The following MAP4K4 variants were observed in gnomAD, a reference collection of about 807,000 sequenced individuals.
The protein encoded by MAP4K4 is HPK/GCK-like kinase HGK.
A neutral mutation model predicts 189.6 loss-of-function variants in MAP4K4; 38 were observed. The observed-to-expected ratio is 0.20, with a 90% CI of 0.15 to 0.26. MAP4K4 has a LOEUF of 0.26. Ranked by LOEUF, MAP4K4 falls within the 10% of genes least tolerant of loss-of-function variation. MAP4K4 has a pLI of 1.00. For missense variants in MAP4K4, 1,054 were observed against 1,726.9 expected (o/e 0.61, Z 6.91); for synonymous variants, 610 against 624.3 (o/e 0.98, Z 0.34).
At chr2:101,750,611 G>A (rs1413070476) in intron 2 of MAP4K4, among the ~76,000 whole-genome samples, 1 of 151,486 alleles carries the variant, frequency 6.6e-6, no homozygotes, top group East Asian at 1.9e-4. Context: ...GTATACATAT[G>A]TAACTAACCT....
At chr2:101,776,870 T>C (rs190318848) in intron 2 of MAP4K4, among the ~76,000 whole-genome samples, 7 of 152,292 alleles carry the variant, frequency 4.6e-5, no homozygotes. Context: ...AATAACCACA[T>C]ACCAAATAAT....
At chr2:101,868,203 T>C (rs976317703) in intron 21 of MAP4K4, among the ~76,000 whole-genome samples, 166 bp downstream of exon 21, 1 of 152,226 alleles carries the variant, frequency 6.6e-6, no homozygotes, top group Admixed American at 6.5e-5. Flanking sequence ...ACATAACATT[T>C]GCTGTATTTA....
exon 33 of MAP4K4, chr2:101,893,490 T>C (rs949414235): frequency 6.0e-6 from 2 of 334,320 alleles, no homozygotes; most frequent in African/African-American, 4.3e-5. Context: ...TATCCATGTT[T>C]AGGCTTTTCA....
At chr2:101,763,734 A>G (rs963684187) in intron 2 of MAP4K4, among the ~76,000 whole-genome samples, 1 of 152,200 alleles carries the variant, frequency 6.6e-6, no homozygotes, top group Admixed American at 6.5e-5. Context: ...GTGTCTTACC[A>G]CAATCTCTAT....
intron 5 of MAP4K4, 34 bp downstream of exon 5, chr2:101,825,463 C>CA: frequency 7.3e-7 from 1 of 1,378,024 alleles, no homozygotes. Context: ...TGCTCCAACT[C>CA]ATGATCCTGT....
Position 101,860,894 on chromosome 2 carries a change from T to A in MAP4K4, c.1774T>A (p.Leu592Met), listed in dbSNP as rs572481216. The A allele has an allele frequency of 3.9e-5, 62 of 1,608,890 alleles. No individual in the cohort carries two copies. The highest frequency in any genetic ancestry group is 5.3e-5 in the Non-Finnish European group (62 of 1,177,546). ...CCAGTCTAAGCAGACAGGCAGAGTA[T>A]TGGAGCCACCAGTGCCTTCCCGATC... The change falls in exon 16 of 33, where the codon TTG becomes ATG. Residue 592 changes from leucine (L) to methionine (M), a missense_variant. Around this residue, in one of 4 missense-constraint regions of MAP4K4, gnomAD observed 646 missense variants for 796.2 expected, o/e 0.81. Coordinates refer to ENST00000324219, the Ensembl canonical transcript of MAP4K4.
chr2:101,746,043 T>A (rs1438922644), intron 2 of MAP4K4, among the ~76,000 whole-genome samples: 1 of 151,800 alleles, frequency 6.6e-6, no homozygotes, highest in African/African-American at 2.4e-5. Flanking sequence ...CAAGCTGGAA[T>A]ACAGTGATGT....
chr2:101,756,104 C>G (rs2072614968), intron 2 of MAP4K4, among the ~76,000 whole-genome samples: 1 of 151,930 alleles, frequency 6.6e-6, no homozygotes, highest in Admixed American at 6.6e-5. Context: ...CCACGTCTGG[C>G]TAATTTAGTT....
intron 2 of MAP4K4, among the ~76,000 whole-genome samples, chr2:101,789,180 T>C (rs2092388269): frequency 6.6e-6 from 1 of 152,192 alleles, no homozygotes; most frequent in Non-Finnish European, 1.5e-5. Flanking sequence ...TGAAGGTTGG[T>C]TAGTTGCCAA....
intron 3 of MAP4K4, among the ~76,000 whole-genome samples, chr2:101,808,498 GGAT>G (rs1382379164): frequency 6.6e-6 from 1 of 151,976 alleles, no homozygotes; most frequent in African/African-American, 2.4e-5. Context: ...CTGCTTATCA[GGAT>G]GATAAGAAAA....
rs150937517 is a variant in MAP4K4, at chr2:101,859,630, C to G, written c.1483-13C>G. ...TGTCCCATAGATTTAGTGTTATCCT[C>G]TCCCTCTCCAAGGAGTGCCGATGGC... On this transcript the variant is annotated splice_polypyrimidine_tract_variant and intron_variant, in intron 14 of 32. Transcript: ENST00000324219. The G allele has an allele frequency of 2.5e-4, 399 of 1,582,164 alleles. 4 individuals carry two copies. In the East Asian group the frequency reaches 8.5e-3, roughly 34 times the overall value.
At chr2:101,814,592 C>CT (rs1444024314) in intron 3 of MAP4K4, among the ~76,000 whole-genome samples, 3 of 152,180 alleles carry the variant, frequency 2.0e-5, no homozygotes, top group African/African-American at 7.2e-5. Context: ...CACATGGAAA[C>CT]TAAGGCTTTT....
intron 3 of MAP4K4, among the ~76,000 whole-genome samples, chr2:101,812,638 C>T (rs1003029871): frequency 1.3e-5 from 2 of 151,882 alleles, no homozygotes; most frequent in Non-Finnish European, 2.9e-5. Context: ...TTGCTAATGA[C>T]TTAGAGTATC....
At chr2:101,870,869 G>A (rs923682699) in intron 23 of MAP4K4, among the ~76,000 whole-genome samples, 1 of 152,194 alleles carries the variant, frequency 6.6e-6, no homozygotes, top group East Asian at 1.9e-4. Flanking sequence ...CCAGAGACTC[G>A]GAGAGCAGAA....
At chr2:101,828,239 A>G (rs1421164990) in intron 5 of MAP4K4, among the ~76,000 whole-genome samples, 1 of 152,230 alleles carries the variant, frequency 6.6e-6, no homozygotes, top group Non-Finnish European at 1.5e-5. Flanking sequence ...TAGTCCTGTA[A>G]AAGTTTAAGA....
At chr2:101,794,310 A>T (rs764108134) in intron 3 of MAP4K4, among the ~76,000 whole-genome samples, 1 of 152,226 alleles carries the variant, frequency 6.6e-6, no homozygotes, top group Non-Finnish European at 1.5e-5. Context: ...ATTATAACTT[A>T]AGTACATGCA....
intron 14 of MAP4K4, among the ~76,000 whole-genome samples, chr2:101,859,441 C>G (rs746295241): frequency 4.3e-4 from 66 of 152,312 alleles, no homozygotes; most frequent in Non-Finnish European, 7.5e-4. Context: ...ATCTCTTACT[C>G]TGTCCAATGA....
intron 27 of MAP4K4, among the ~76,000 whole-genome samples, chr2:101,879,678 T>G (rs1348858860): frequency 2.0e-5 from 3 of 152,194 alleles, no homozygotes; most frequent in Non-Finnish European, 4.4e-5. Context: ...CATGGAACAT[T>G]GCCAGCACCC....
At chr2:101,849,375 C>T (rs1487626529) in intron 12 of MAP4K4, among the ~76,000 whole-genome samples, 6 of 152,084 alleles carry the variant, frequency 3.9e-5, no homozygotes, top group African/African-American at 9.7e-5. Flanking sequence ...GCAATCCACC[C>T]GCCTCAGCCT....
Sources: allele counts gnomAD v4.1 joint callset (sites outside exome capture counted in the v4.1 genomes callset), GRCh38; gene constraint gnomAD v4.1.1; regional missense constraint gnomAD v4.1.1; transcripts MANE v1.5; gene names NCBI Gene and HGNC (gene_info 2026-07-23, HGNC 2026-07-21).